PIK3CB: variants seen among roughly 807,000 people sequenced by gnomAD.
PIK3CB encodes the protein phosphatidylinositol-4,5-bisphosphate 3-kinase catalytic subunit beta.
A neutral mutation model predicts 136.8 loss-of-function variants in PIK3CB; 39 were observed. That is an observed-to-expected ratio of 0.29 (90% CI 0.22 to 0.37). PIK3CB has a LOEUF of 0.37. Ranked by LOEUF, PIK3CB falls within the 10% of genes least tolerant of loss-of-function variation. PIK3CB has a pLI of 1.00. For synonymous variants in PIK3CB, 428 were observed against 436.6 expected (o/e 0.98, Z 0.25); for missense variants, 868 against 1,275.4 (o/e 0.68, Z 4.87).
chr3:138,800,338 T>G (rs1268892265), intron 1 of PIK3CB, among the ~76,000 whole-genome samples: 1 of 147,414 alleles, frequency 6.8e-6, no homozygotes, highest in East Asian at 2.0e-4. Flanking sequence ...CCATGACACT[T>G]TTTTTTTTTT....
intron 9 of PIK3CB, among the ~76,000 whole-genome samples, chr3:138,713,670 C>CA (rs1420145454): frequency 2.7e-5 from 4 of 150,786 alleles, no homozygotes; most frequent in Non-Finnish European, 4.4e-5. Flanking sequence ...GACTCTGTCT[C>CA]AAAAGAAAAA....
intron 1 of PIK3CB, among the ~76,000 whole-genome samples, chr3:138,822,987 C>G (rs1933629529): frequency 6.8e-6 from 1 of 146,594 alleles, no homozygotes; most frequent in Non-Finnish European, 1.5e-5. Context: ...GTGGCGTGAT[C>G]TCGGCTCACT....
chr3:138,658,084 A>C (rs1415054543), intron 21 of PIK3CB, among the ~76,000 whole-genome samples: 1 of 152,238 alleles, frequency 6.6e-6, no homozygotes, highest in Non-Finnish European at 1.5e-5. Context: ...ACGCTTTAGA[A>C]AGAAAAATAC....
At chr3:138,659,038 T>C (rs957169010) in intron 21 of PIK3CB, among the ~76,000 whole-genome samples, 5 of 152,234 alleles carry the variant, frequency 3.3e-5, no homozygotes, top group African/African-American at 9.6e-5. Flanking sequence ...TCTCTTTTGG[T>C]TGAGACCAGG....
At chr3:138,749,835 A>G (rs2045433073) in intron 4 of PIK3CB, among the ~76,000 whole-genome samples, 1 of 152,184 alleles carries the variant, frequency 6.6e-6, no homozygotes, top group South Asian at 2.1e-4. Flanking sequence ...ATTAATTGGC[A>G]AATAATAATT....
At chr3:138,671,293 T>C (rs1009077093) in intron 19 of PIK3CB, among the ~76,000 whole-genome samples, 9 of 152,176 alleles carry the variant, frequency 5.9e-5, no homozygotes, top group Non-Finnish European at 1.5e-5. Context: ...GGTTGCAAGT[T>C]TTAAAAATAT....
At chr3:138,716,893 CAAAAAAAAAA>C (rs376627250) in intron 8 of PIK3CB, among the ~76,000 whole-genome samples, 2 of 11,076 alleles carry the variant, frequency 1.8e-4, no homozygotes, top group African/African-American at 4.8e-4. Flanking sequence ...GATTGTGTCT[CAAAAAAAAAA>C]AAAAAAAAAA....
chr3:138,710,023 C>CAAAAAAAAAAA (rs34985570), intron 10 of PIK3CB, among the ~76,000 whole-genome samples: 1 of 91,932 alleles, frequency 1.1e-5, no homozygotes, highest in Non-Finnish European at 2.2e-5. Flanking sequence ...ACAAAAAATA[C>CAAAAAAAAAAA]AAAAAAAAAA....
chr3:138,746,786 C>T (rs1432049693), intron 4 of PIK3CB, among the ~76,000 whole-genome samples: 1 of 151,594 alleles, frequency 6.6e-6, no homozygotes, highest in Non-Finnish European at 1.5e-5. Flanking sequence ...TGTCACATAA[C>T]TTTGCCTTTT....
At chr3:138,751,036 T>C in intron 4 of PIK3CB, among the ~76,000 whole-genome samples, 1 of 152,204 alleles carries the variant, frequency 6.6e-6, no homozygotes, top group Non-Finnish European at 1.5e-5. Flanking sequence ...TTCATGTAAC[T>C]GTTAGAATCA....
chr3:138,663,805 T>C, intron 21 of PIK3CB, 101 bp downstream of exon 21: 1 of 1,187,342 alleles, frequency 8.4e-7, no homozygotes, highest in African/African-American at 1.5e-5. Flanking sequence ...GATATGACAC[T>C]AAGAATCACA....
At chr3:138,780,541 T>A (rs558560336) in intron 2 of PIK3CB, among the ~76,000 whole-genome samples, 1 of 152,252 alleles carries the variant, frequency 6.6e-6, no homozygotes, top group African/African-American at 2.4e-5. Context: ...AGTGCTAGGA[T>A]TACAGGTGTG....
At position 138,793,960 on chromosome 3, in the gene PIK3CB, T is replaced by TTTTTG. The variant is rs1329548642; in HGVS notation, c.-17+2498_-17+2502dup. Among the ~76,000 whole-genome samples, 6 of 152,146 alleles carry TTTTTG rather than the reference T, an allele frequency of 3.9e-5. No individual in the cohort carries two copies. The East Asian group carries it at 5.8e-4, about 15-fold the overall frequency. ...AGTCTTGTGAGTTCTTTTTGTTTGT[T>TTTTTG]TTTTGTTTTGTTTTGTTTTGAGATG... is the stretch of plus-strand genomic sequence containing the variant. On this transcript the variant is annotated intron_variant, in intron 2 of 23. Transcript: ENST00000674063.
At chr3:138,808,318 T>C (rs1406685612) in intron 1 of PIK3CB, among the ~76,000 whole-genome samples, 1 of 152,160 alleles carries the variant, frequency 6.6e-6, no homozygotes, top group Non-Finnish European at 1.5e-5. Flanking sequence ...CAACCTCTCA[T>C]GTAATATGTA....
At chr3:138,827,694 A>G (rs1933844091) in intron 1 of PIK3CB, among the ~76,000 whole-genome samples, 1 of 151,706 alleles carries the variant, frequency 6.6e-6, no homozygotes, top group Non-Finnish European at 1.5e-5. Context: ...AAACAAAACA[A>G]AAAGGCCGGG....
At position 138,656,221 on chromosome 3, in the gene PIK3CB, A is replaced by G; in HGVS notation, c.2996T>C (p.Leu999Pro). The G allele has an allele frequency of 6.2e-7, 1 of 1,614,176 alleles. No individual in the cohort carries two copies. The highest frequency in any genetic ancestry group is 2.2e-5 in the East Asian group (1 of 44,878). Residue 999 changes from leucine (L) to proline (P), a missense_variant, in exon 23 of 24, where the codon CTC becomes CCC. Coordinates refer to ENST00000674063, the MANE Select transcript of PIK3CB (RefSeq NM_006219.3). ...AYLILRRHGN[L>P]FITLFALMLT... ...CATCAGCGCAAAGAGAGTGATGAAG[A>G]GATTCCCATGCCGTCGTAAAATCAG...
chr3:138,709,573 G>C (rs1444261238), intron 10 of PIK3CB, among the ~76,000 whole-genome samples: 1 of 152,180 alleles, frequency 6.6e-6, no homozygotes, highest in Non-Finnish European at 1.5e-5. Flanking sequence ...CTGGATGGTA[G>C]ATTATTTGTA....
intron 14 of PIK3CB, among the ~76,000 whole-genome samples, chr3:138,693,965 A>ATT (rs67699923): frequency 3.6e-5 from 1 of 27,412 alleles, no homozygotes. Context: ...ATATATATAT[A>ATT]TTATATATAT....
At chr3:138,744,118 G>A (rs1486954356) in intron 4 of PIK3CB, among the ~76,000 whole-genome samples, 3 of 151,966 alleles carry the variant, frequency 2.0e-5, no homozygotes, top group East Asian at 1.9e-4. Flanking sequence ...TTGGTCGGGC[G>A]CAGTGGCTCA....
Sources: gnomAD v4.1 joint callset for allele counts (sites outside exome capture counted in the v4.1 genomes callset) on GRCh38, gnomAD v4.1.1 for gene constraint, MANE v1.5 for transcripts, NCBI Gene and HGNC (gene_info 2026-07-23, HGNC 2026-07-21) for gene names.